Variants in PTPN14 observed in about 807,000 individuals in gnomAD.
PTPN14 encodes the protein tyrosine-protein phosphatase non-receptor type 14.
PTPN14 carries 53 observed loss-of-function variants against 126.8 expected under a neutral mutation model. That is an observed-to-expected ratio of 0.42 (90% CI 0.34 to 0.53). PTPN14 has a LOEUF of 0.53. Ranked by LOEUF, PTPN14 falls within the 20% of genes least tolerant of loss-of-function variation. The pLI is 0.08. For synonymous variants in PTPN14, 630 were observed against 599.3 expected (o/e 1.05, Z -0.75); for missense variants, 1,257 against 1,552.9 (o/e 0.81, Z 3.20).
intron 1 of PTPN14, among the ~76,000 whole-genome samples, chr1:214,508,752 TTAAA>T (rs1432715924): frequency 6.6e-6 from 1 of 152,214 alleles, no homozygotes; most frequent in African/African-American, 2.4e-5. Context: ...AATGTAGTTC[TTAAA>T]TAATAAGACT....
chr1:214,509,563 T>C (rs1654921249), intron 1 of PTPN14, among the ~76,000 whole-genome samples: 1 of 152,252 alleles, frequency 6.6e-6, no homozygotes, highest in African/African-American at 2.4e-5. Context: ...TTGCACATGT[T>C]ATCATTCATG....
chr1:214,376,216 T>A lies in PTPN14; in HGVS notation c.2907+3A>T. 6.2e-7 allele frequency: 1 copy of A among 1,611,844 alleles called. No individual in the cohort carries two copies. The highest frequency in any genetic ancestry group is 1.3e-5 in the African/African-American group (1 of 74,988). ...AAACCTTCTAACAGGCTTGCCTTCT[T>A]ACCTTGATGTGGGAGGCATTAATGT... On this transcript the variant is annotated splice_donor_region_variant and intron_variant, in intron 15 of 18. Coordinates refer to ENST00000366956, the MANE Select transcript of PTPN14 (RefSeq NM_005401.5).
At chr1:214,398,613 ATTTT>A (rs56339386) in intron 7 of PTPN14, among the ~76,000 whole-genome samples, 2 of 108,906 alleles carry the variant, frequency 1.8e-5, no homozygotes, top group African/African-American at 3.5e-5. Context: ...TGCCCTGCTA[ATTTT>A]TTTTTTTTTT....
intron 1 of PTPN14, among the ~76,000 whole-genome samples, chr1:214,479,638 C>G (rs946454427): frequency 1.1e-4 from 16 of 152,066 alleles, no homozygotes; most frequent in African/African-American, 3.6e-4. Flanking sequence ...CGTACCCGAC[C>G]CTGTCTTTAT....
intron 1 of PTPN14, among the ~76,000 whole-genome samples, chr1:214,545,444 T>C (rs1655946463): frequency 6.6e-6 from 1 of 152,158 alleles, no homozygotes; most frequent in African/African-American, 2.4e-5. Context: ...AAATCTGACA[T>C]TAATCCCTTC....
At chr1:214,380,055 G>A (rs575253771) in intron 13 of PTPN14, among the ~76,000 whole-genome samples, 59 of 152,290 alleles carry the variant, frequency 3.9e-4, no homozygotes, top group African/African-American at 1.3e-3. Flanking sequence ...CTCAATTCTC[G>A]GGAACCCCCT....
At chr1:214,536,488 T>G (rs923001819) in intron 1 of PTPN14, among the ~76,000 whole-genome samples, 7 of 151,966 alleles carry the variant, frequency 4.6e-5, no homozygotes, top group Admixed American at 1.3e-4. Context: ...ATATTAGTTA[T>G]TAAGACTACA....
intron 16 of PTPN14, chr1:214,372,384 G>A (rs968480422): frequency 6.5e-6 from 2 of 309,996 alleles, no homozygotes; most frequent in Admixed American, 4.8e-5. Flanking sequence ...TTTTCGTTTG[G>A]CACAGAAAGT....
At chr1:214,439,035 T>C (rs1009085947) in intron 3 of PTPN14, among the ~76,000 whole-genome samples, 7 of 152,218 alleles carry the variant, frequency 4.6e-5, no homozygotes, top group Admixed American at 4.6e-4. Context: ...TCTGTTCTCC[T>C]TCTTTTTCCT....
chr1:214,373,604 CACACCT>C (rs1340576754), intron 15 of PTPN14, among the ~76,000 whole-genome samples: 2 of 131,702 alleles, frequency 1.5e-5, no homozygotes, highest in Non-Finnish European at 3.3e-5. Flanking sequence ...CACACACACA[CACACCT>C]GGTCATGACC....
rs1409964749 is a variant in PTPN14, at chr1:214,376,399, C to T, written c.2727G>A (p.Val909=). 6.2e-7 allele frequency: 1 copy of T among 1,613,986 alleles called. No individual in the cohort carries two copies. The highest frequency in any genetic ancestry group is 1.3e-5 in the African/African-American group (1 of 75,048). Reference sequence around the variant, plus strand: ...TTGGAATTTGCTCATATTCTGTGAACACCATTCCCTCTTCTAGTTTCTTCT... The same window carrying T: ...TTGGAATTTGCTCATATTCTGTGAATACCATTCCCTCTTCTAGTTTCTTCT... ...TLKKKLEEGM[V]FTEYEQIPKK... is the part of the protein sequence containing the mutation. The change falls in exon 15 of 19, where the codon GTG becomes GTA. Residue 909 remains valine (V), a synonymous_variant. Coordinates refer to ENST00000366956, the MANE Select transcript of PTPN14 (RefSeq NM_005401.5).
intron 17 of PTPN14, among the ~76,000 whole-genome samples, chr1:214,365,301 G>T (rs536674437): frequency 2.0e-5 from 3 of 152,260 alleles, no homozygotes; most frequent in Admixed American, 2.0e-4. Context: ...GGTGGAGGGG[G>T]TCATGATACC....
intron 1 of PTPN14, among the ~76,000 whole-genome samples, chr1:214,489,597 T>C (rs1661187577): frequency 6.6e-6 from 1 of 152,224 alleles, no homozygotes; most frequent in Non-Finnish European, 1.5e-5. Context: ...CTGGATTTGC[T>C]TAGCCCTGGA....
chr1:214,432,193 G>GA (rs11436749), intron 3 of PTPN14, among the ~76,000 whole-genome samples: 51,497 of 146,876 alleles, frequency 0.35, 9,033 homozygotes, highest in Non-Finnish European at 0.4. Flanking sequence ...CCTGTCTCAA[G>GA]AAAAAAAAAA....
intron 2 of PTPN14, among the ~76,000 whole-genome samples, chr1:214,462,013 A>C (rs1660524807): frequency 6.6e-6 from 1 of 152,208 alleles, no homozygotes; most frequent in Non-Finnish European, 1.5e-5. Flanking sequence ...AGAAGAACAA[A>C]GTATCAGATT....
chr1:214,406,503 T>C (rs564701007), intron 5 of PTPN14, among the ~76,000 whole-genome samples: 9 of 149,758 alleles, frequency 6.0e-5, no homozygotes, highest in South Asian at 4.2e-4. Context: ...AAAAAAAAAG[T>C]AGCCAATGCA....
At chr1:214,423,328 G>A (rs1040492312) in intron 3 of PTPN14, among the ~76,000 whole-genome samples, 3 of 151,794 alleles carry the variant, frequency 2.0e-5, no homozygotes, top group African/African-American at 4.8e-5. Flanking sequence ...CTGTCTCCCC[G>A]CAACACCCCC....
intron 2 of PTPN14, among the ~76,000 whole-genome samples, chr1:214,462,149 G>A (rs1401264058): frequency 6.6e-6 from 1 of 152,130 alleles, no homozygotes; most frequent in Non-Finnish European, 1.5e-5. Context: ...GTCGAATGCG[G>A]ATGCACCCAT....
At chr1:214,429,770 C>T (rs1659755625) in intron 3 of PTPN14, among the ~76,000 whole-genome samples, 1 of 152,162 alleles carries the variant, frequency 6.6e-6, no homozygotes, top group African/African-American at 2.4e-5. Context: ...ACACTACTTA[C>T]TTCATGCTAA....
Sources: allele counts gnomAD v4.1 joint callset (sites outside exome capture counted in the v4.1 genomes callset), GRCh38; gene constraint gnomAD v4.1.1; transcripts MANE v1.5; gene names NCBI Gene and HGNC (gene_info 2026-07-23, HGNC 2026-07-21).